Variants in NLGN4X observed in about 807,000 individuals in gnomAD.
The protein encoded by NLGN4X is neuroligin-4, X-linked.
Under a neutral mutation model 40.3 loss-of-function variants are expected in NLGN4X, and 3 were observed. The observed-to-expected ratio is 0.07, with a 90% CI of 0.03 to 0.19. NLGN4X has a LOEUF of 0.19. NLGN4X is among the 10% of genes least tolerant of loss of function. The pLI is 1.00. For synonymous variants in NLGN4X, 270 were observed against 306.8 expected (o/e 0.88, Z 1.25); for missense variants, 382 against 708.3 (o/e 0.54, Z 5.23).
chrX:6,163,380 A>C (rs1238876679), intron 1 of NLGN4X, among the ~76,000 whole-genome samples: 1 of 112,276 alleles, frequency 8.9e-6, no homozygotes, highest in Non-Finnish European at 1.9e-5. Context: ...GTAAAGATAC[A>C]CCAATCAAGT....
chrX:6,005,639 A>G (rs911241378), intron 3 of NLGN4X, among the ~76,000 whole-genome samples: 1 of 111,380 alleles, frequency 9.0e-6, no homozygotes, highest in Non-Finnish European at 1.9e-5. Flanking sequence ...GTGACCCCCA[A>G]AGCACAGGAG....
intron 3 of NLGN4X, among the ~76,000 whole-genome samples, chrX:5,912,471 G>T (rs1189558410): frequency 9.0e-6 from 1 of 111,373 alleles, no homozygotes; most frequent in Non-Finnish European, 1.9e-5. Flanking sequence ...AGCCAGCTCT[G>T]CAGGAATTAA....
At chrX:6,194,213 C>A (rs555619323) in intron 1 of NLGN4X, among the ~76,000 whole-genome samples, 1 of 111,601 alleles carries the variant, frequency 9.0e-6, no homozygotes, top group South Asian at 3.7e-4. Flanking sequence ...TTGGTGCAAG[C>A]GTAATTGCAG....
chrX:6,036,167 A>G (rs2036998551), intron 2 of NLGN4X, among the ~76,000 whole-genome samples: 2 of 111,779 alleles, frequency 1.8e-5, no homozygotes, highest in African/African-American at 6.5e-5. Flanking sequence ...CTTTTAAAAT[A>G]GAGAAATGGA....
At chrX:6,200,237 A>G (rs1923468305) in intron 1 of NLGN4X, among the ~76,000 whole-genome samples, 1 of 112,314 alleles carries the variant, frequency 8.9e-6, no homozygotes. Context: ...GACAAAGAAT[A>G]AAAAAGCCTT....
At chrX:6,070,291 C>T (rs1319410750) in intron 2 of NLGN4X, among the ~76,000 whole-genome samples, 3 of 111,238 alleles carry the variant, frequency 2.7e-5, no homozygotes, top group Non-Finnish European at 5.7e-5. Flanking sequence ...TCACCACCAT[C>T]AACAAACAAA....
Position 6,038,939 on chromosome X carries a change from T to C in NLGN4X, c.473-9507A>G, listed in dbSNP as rs147739991. ...TAAAATCATCAGCAGAGTCATACTT[T>C]GAAAAATTTTGAAAAGACATCTGCC... On this transcript the variant is annotated intron_variant, in intron 2 of 5. Transcript: ENST00000381095. Among the ~76,000 whole-genome samples, 328 of 110,524 alleles carry C rather than the reference T, an allele frequency of 3.0e-3. 1 individual carries two copies. Among genetic ancestry groups the C allele is most frequent in the African/African-American group, 1.0e-2 (303 of 30,397 alleles).
intron 2 of NLGN4X, among the ~76,000 whole-genome samples, chrX:6,052,100 G>A (rs2037508282): frequency 9.2e-6 from 1 of 108,945 alleles, no homozygotes; most frequent in African/African-American, 3.4e-5. Flanking sequence ...CAAGAAAGAG[G>A]GGACCTCAAT....
chrX:5,907,630 C>T (rs981090792), intron 4 of NLGN4X, among the ~76,000 whole-genome samples: 1 of 111,150 alleles, frequency 9.0e-6, no homozygotes, highest in African/African-American at 3.3e-5. Flanking sequence ...CTCCACTTTG[C>T]CAACATCAGC....
chrX:6,076,487 T>C (rs1169508386), intron 2 of NLGN4X, among the ~76,000 whole-genome samples: 2 of 112,027 alleles, frequency 1.8e-5, no homozygotes, highest in Non-Finnish European at 3.8e-5. Flanking sequence ...GTTGTTCTCA[T>C]TGTTTGTTTC....
chrX:6,030,195 A>G (rs2036815883), intron 2 of NLGN4X, among the ~76,000 whole-genome samples: 1 of 111,993 alleles, frequency 8.9e-6, no homozygotes, highest in African/African-American at 3.2e-5. Flanking sequence ...CTTGCAACCA[A>G]TGATTCCTCT....
intron 1 of NLGN4X, among the ~76,000 whole-genome samples, chrX:6,178,570 A>G (rs777901323): frequency 4.4e-5 from 5 of 112,572 alleles, no homozygotes; most frequent in Non-Finnish European, 9.4e-5. Context: ...CTAAACTGCT[A>G]GCAGAATGAA....
chrX:6,081,328 G>A (rs1316624329), intron 2 of NLGN4X, among the ~76,000 whole-genome samples: 1 of 111,892 alleles, frequency 8.9e-6, no homozygotes, highest in African/African-American at 3.2e-5. Context: ...TGTTGCCTGG[G>A]CTGGTCATGA....
At chrX:6,027,288 G>A (rs2036725781) in intron 3 of NLGN4X, among the ~76,000 whole-genome samples, 1 of 112,112 alleles carries the variant, frequency 8.9e-6, no homozygotes, top group Non-Finnish European at 1.9e-5. Flanking sequence ...ACTATCCAGC[G>A]CCTCTGAAAA....
At position 5,893,116 on chromosome X, in the gene NLGN4X, T is replaced by C; in HGVS notation, c.2152A>G (p.Thr718Ala). 1 of 1,211,551 alleles carries C rather than the reference T, an allele frequency of 8.3e-7. No individual in the cohort carries two copies. Among genetic ancestry groups the C allele is most frequent in the African/African-American group, 1.7e-5 (1 of 57,740 alleles). ...TTCTGGATGTGAGCGATATCATTTG[T>C]GGTGTTTCTCTGGGGACTGGGGCGC... is the stretch of plus-strand genomic sequence containing the variant. Reference protein sequence around the residue: ...HRRPSPQRNTTNDIAHIQNEE... With the variant: ...HRRPSPQRNTANDIAHIQNEE... Residue 718 changes from threonine to alanine, a missense_variant, in exon 6 of 6, where the codon ACA becomes GCA. Around this residue, in one of 5 missense-constraint regions of NLGN4X, gnomAD observed 149 missense variants for 375.8 expected, o/e 0.40. Coordinates refer to ENST00000381095, the MANE Select transcript of NLGN4X (RefSeq NM_181332.3).
intron 2 of NLGN4X, among the ~76,000 whole-genome samples, chrX:6,127,274 A>G (rs1303391597): frequency 8.9e-6 from 1 of 112,163 alleles, no homozygotes; most frequent in Non-Finnish European, 1.9e-5. Context: ...GTTGCATGCC[A>G]TTTATCCCTA....
intron 3 of NLGN4X, among the ~76,000 whole-genome samples, chrX:5,994,069 C>T (rs1449389909): frequency 8.9e-6 from 1 of 111,782 alleles, no homozygotes; most frequent in Non-Finnish European, 1.9e-5. Flanking sequence ...TGAGGAAAGA[C>T]GTCAGCTTCA....
intron 3 of NLGN4X, among the ~76,000 whole-genome samples, chrX:5,954,340 C>T (rs2034412429): frequency 9.3e-6 from 1 of 107,348 alleles, no homozygotes. Context: ...CCTCCAGCCT[C>T]AGCCTCTCAA....
intron 3 of NLGN4X, among the ~76,000 whole-genome samples, chrX:5,926,309 C>T (rs1178856184): frequency 9.1e-6 from 1 of 110,282 alleles, no homozygotes; most frequent in East Asian, 2.9e-4. Context: ...TAATAAATTA[C>T]CTAGTGTCCA....
Sources: allele counts gnomAD v4.1 joint callset (sites outside exome capture counted in the v4.1 genomes callset), GRCh38; gene constraint gnomAD v4.1.1; regional missense constraint gnomAD v4.1.1; transcripts MANE v1.5; gene names NCBI Gene and HGNC (gene_info 2026-07-23, HGNC 2026-07-21).